The following SLIT3 variants were observed in gnomAD, a reference collection of about 807,000 sequenced individuals.
The protein encoded by SLIT3 is slit guidance ligand 3.
Under a neutral mutation model 184.0 loss-of-function variants are expected in SLIT3, and 68 were observed. The observed-to-expected ratio is 0.37, with a 90% CI of 0.30 to 0.45. The LOEUF (loss-of-function observed/expected upper bound fraction) is 0.45, where lower values mean the gene tolerates loss of function less well. Among genes scored for constraint, SLIT3 ranks in the 20% least tolerant of loss-of-function variants. The pLI, the probability that SLIT3 is intolerant of heterozygous loss-of-function variation, is 1.00. For missense variants in SLIT3, 1,707 were observed against 2,026.0 expected, an observed-to-expected ratio of 0.84 and a Z score of 3.02; for synonymous variants, 831 against 828.6, an observed-to-expected ratio of 1.00 and a Z score of -0.05.
intron 4 of SLIT3, among the ~76,000 whole-genome samples, chr5:168,947,847 T>TA (rs1244646603): frequency 6.6e-6 from 1 of 152,036 alleles, no homozygotes; most frequent in Non-Finnish European, 1.5e-5. Flanking sequence ...AGTGCAGTGG[T>TA]ACAATCTCGA....
intron 4 of SLIT3, among the ~76,000 whole-genome samples, chr5:168,989,105 G>A (rs1466656161): frequency 6.6e-6 from 1 of 152,176 alleles, no homozygotes; most frequent in Non-Finnish European, 1.5e-5. Context: ...ACCAAATACA[G>A]GAGCCTTGCA....
intron 5 of SLIT3, among the ~76,000 whole-genome samples, chr5:168,856,766 C>CGTGTGTGTGTGTGTGTGTGT (rs372608852): frequency 1.5e-5 from 2 of 132,866 alleles, no homozygotes; most frequent in Admixed American, 7.6e-5. Flanking sequence ...CTGAGTTCCT[C>CGTGTGTGTGTGTGTGTGTGT]GTGTGTGTGT....
chr5:168,788,980 A>G (rs1756258988), intron 11 of SLIT3, among the ~76,000 whole-genome samples: 1 of 152,152 alleles, frequency 6.6e-6, no homozygotes, highest in Admixed American at 6.5e-5. Context: ...AGGACATTCT[A>G]TACCTTCCTG....
At chr5:169,193,347 C>T (rs2113470057) in intron 4 of SLIT3, 132 bp downstream of exon 4, 1 of 750,920 alleles carries the variant, frequency 1.3e-6, no homozygotes, top group Admixed American at 1.9e-5. Flanking sequence ...CATGTCAAAG[C>T]CCTGCTCCAA....
At chr5:169,077,521 AGAGT>A (rs1758792652) in intron 4 of SLIT3, among the ~76,000 whole-genome samples, 1 of 152,196 alleles carries the variant, frequency 6.6e-6, no homozygotes, top group African/African-American at 2.4e-5. Context: ...CCTGGGTGAC[AGAGT>A]GAGACCCCGT....
At chr5:169,087,911 T>C (rs56290719) in intron 4 of SLIT3, among the ~76,000 whole-genome samples, 4,475 of 152,316 alleles carry the variant, frequency 0.029, 225 homozygotes, top group African/African-American at 0.1. Flanking sequence ...CAAATTGCTC[T>C]GTAGACCAAC....
chr5:168,949,112 A>T (rs917829533), intron 4 of SLIT3, among the ~76,000 whole-genome samples: 1 of 152,178 alleles, frequency 6.6e-6, no homozygotes, highest in African/African-American at 2.4e-5. Context: ...GGGGACTCTA[A>T]CAGTCAGGTC....
chr5:168,777,048 T>C (rs1192798165), intron 12 of SLIT3, among the ~76,000 whole-genome samples: 2 of 149,744 alleles, frequency 1.3e-5, no homozygotes, highest in African/African-American at 5.0e-5. Context: ...GTTTTAAAAA[T>C]TGGAAAATTT....
intron 3 of SLIT3, among the ~76,000 whole-genome samples, chr5:169,195,186 G>T (rs894867573): frequency 1.3e-5 from 2 of 152,120 alleles, no homozygotes; most frequent in Admixed American, 1.3e-4. Context: ...CCAAAGCCCT[G>T]GCCCCCTTCC....
chr5:169,070,005 C>T (rs1419440953), intron 4 of SLIT3, among the ~76,000 whole-genome samples: 3 of 152,080 alleles, frequency 2.0e-5, no homozygotes, highest in Non-Finnish European at 4.4e-5. Context: ...GATAGGACAG[C>T]TGTAATAGCC....
In SLIT3 at chr5:168,684,050, T is replaced by C. The variant is rs1427892240; in HGVS notation, c.3602A>G (p.Asn1201Ser). 1 of 1,607,752 alleles carries C rather than the reference T, an allele frequency of 6.2e-7. No homozygotes were observed. Residue 1201 changes from asparagine to serine, a missense_variant, in exon 32 of 36, where the codon AAT becomes AGT. Around this residue, in one of 3 missense-constraint regions of SLIT3, gnomAD observed 387 missense variants for 477.9 expected, o/e 0.81. Transcript: ENST00000519560. ...DNGILLYKGD[N>S]DPLALELYQG... ...GTACAGCTCCAGTGCCAGGGGGTCATTGTCTCCTTTGTAGAGAAGGATGCC... is the reference window on the plus strand; with the variant it reads ...GTACAGCTCCAGTGCCAGGGGGTCACTGTCTCCTTTGTAGAGAAGGATGCC...
intron 4 of SLIT3, among the ~76,000 whole-genome samples, chr5:168,972,048 A>G (rs1266877984): frequency 6.6e-6 from 1 of 152,194 alleles, no homozygotes; most frequent in South Asian, 2.1e-4. Flanking sequence ...AGGAGGCCAT[A>G]TTACACAGGG....
Position 168,757,209 on chromosome 5 carries a change from G to A in SLIT3, c.1686-3202C>T, listed in dbSNP as rs574924752. Among the ~76,000 whole-genome samples the A allele has an allele frequency of 3.9e-5, 6 of 152,276 alleles. No individual in the cohort carries two copies. The East Asian group carries it at 1.2e-3, about 29-fold the overall frequency. On this transcript the variant is annotated intron_variant, in intron 16 of 35. Transcript: ENST00000519560. ...AAAATGTAAAACCAGGGCCACCCAG[G>A]GGGCTTCTCTCCATCTTTGGGTTAG...
At chr5:168,747,323 C>T (rs1754512175) in intron 20 of SLIT3, among the ~76,000 whole-genome samples, 1 of 152,176 alleles carries the variant, frequency 6.6e-6, no homozygotes, top group African/African-American at 2.4e-5. Context: ...CTGCAATGAT[C>T]GAGTGAATGT....
intron 4 of SLIT3, among the ~76,000 whole-genome samples, chr5:169,035,227 T>C (rs571493923): frequency 7.9e-5 from 12 of 152,240 alleles, no homozygotes; most frequent in Non-Finnish European, 1.3e-4. Flanking sequence ...ATCACTGTTA[T>C]GTTATCCAGA....
chr5:168,711,023 C>T lies in SLIT3; in HGVS notation c.2591G>A (p.Ser864Asn), dbSNP rs544943882. 2.5e-6 allele frequency: 4 copies of T among 1,589,590 alleles called. No individual in the cohort carries two copies. In the South Asian group the frequency reaches 4.6e-5, roughly 18 times the overall value. Reference sequence around the variant, plus strand: ...CACCCACTCCGACAGCCACCGAAGACTGCAGTCACAGTGGAGTGGGTTGGT... The same window carrying T: ...CACCCACTCCGACAGCCACCGAAGATTGCAGTCACAGTGGAGTGGGTTGGT... ...LGTNPLHCDC[S>N]LRWLSEWVKA... The change falls in exon 25 of 36, where the codon AGT becomes AAT. Residue 864 changes from serine (S) to asparagine (N), a missense_variant. Physicochemically the swap from Ser to Asn is conservative, Grantham distance 46. Coordinates refer to ENST00000519560, the MANE Select transcript of SLIT3 (RefSeq NM_003062.4).
intron 26 of SLIT3, 34 bp from the exon 27 acceptor site, chr5:168,700,713 G>A: frequency 6.5e-7 from 1 of 1,539,290 alleles, no homozygotes; most frequent in Non-Finnish European, 9.0e-7. Context: ...CACCTGGTTA[G>A]GGGGACTTCT....
intron 5 of SLIT3, among the ~76,000 whole-genome samples, chr5:168,847,968 T>C (rs1184863023): frequency 6.6e-6 from 1 of 152,136 alleles, no homozygotes; most frequent in African/African-American, 2.4e-5. Flanking sequence ...TCGGGAGGCA[T>C]CTGCAAAAAG....
At chr5:168,995,536 T>C (rs1755480953) in intron 4 of SLIT3, 1 of 152,236 alleles carries the variant, frequency 6.6e-6, no homozygotes, top group Non-Finnish European at 1.5e-5. Flanking sequence ...ATTGTGTTCG[T>C]TGGTATGAGG....
Sources: allele counts gnomAD v4.1 joint callset (sites outside exome capture counted in the v4.1 genomes callset), GRCh38; gene constraint gnomAD v4.1.1; regional missense constraint gnomAD v4.1.1; transcripts MANE v1.5; gene names NCBI Gene and HGNC (gene_info 2026-07-23, HGNC 2026-07-21).